SLC44A1: variants seen among roughly 807,000 people sequenced by gnomAD.
SLC44A1 encodes solute carrier family 44 member 1, also known as choline transporter-like protein 1.
SLC44A1 carries 26 observed loss-of-function variants against 79.3 expected under a neutral mutation model. The ratio of observed to expected loss-of-function variants is 0.33; its 90% confidence interval spans 0.24 to 0.46. SLC44A1 has a LOEUF of 0.46. Among genes scored for constraint, SLC44A1 ranks in the 20% least tolerant of loss-of-function variants. The probability of loss-of-function intolerance (pLI) is 1.00; values close to 1 mark genes in which losing one functional copy is unlikely to be tolerated. For synonymous variants in SLC44A1, 263 were observed against 286.2 expected (o/e 0.92, Z 0.82); for missense variants, 688 against 798.1 (o/e 0.86, Z 1.66).
rs1004217903 is a variant in SLC44A1, at chr9:105,390,458, G to A, written c.*1402G>A. On this transcript the variant is annotated 3_prime_UTR_variant, in exon 16 of 16. Transcript: ENST00000374720. ...AAAAAAAAAAAAAAAAAAAGCCTCA[G>A]CATTTTATCATTCCATGGAAGGAGA... The A allele has an allele frequency of 2.1e-5, 17 of 810,268 alleles. No individual in the cohort carries two copies. In the African/African-American group the frequency reaches 2.5e-4, roughly 12 times the overall value. 50.2% of individuals were successfully genotyped at this position (810,268 alleles called of 1,614,324 possible). A position where few individuals can be genotyped will look rare whatever the true frequency, so the allele number is the denominator to read the frequency against.
chr9:105,419,083 GT>G (rs1346281926), intron 15 of SLC44A1, among the ~76,000 whole-genome samples: 1 of 152,108 alleles, frequency 6.6e-6, no homozygotes, highest in African/African-American at 2.4e-5. Flanking sequence ...AGTGACAAAA[GT>G]TTGAAAAGAC....
intron 3 of SLC44A1, among the ~76,000 whole-genome samples, chr9:105,327,630 T>A (rs1183019759): frequency 6.6e-6 from 1 of 152,206 alleles, no homozygotes; most frequent in Non-Finnish European, 1.5e-5. Flanking sequence ...TGAACCATCC[T>A]GACCATTTTC....
intron 1 of SLC44A1, among the ~76,000 whole-genome samples, chr9:105,259,177 C>A (rs1829784603): frequency 6.6e-6 from 1 of 152,166 alleles, no homozygotes; most frequent in Non-Finnish European, 1.5e-5. Flanking sequence ...TCCATATTTT[C>A]TTCTAAGAAC....
chr9:105,349,685 A>G (rs1345302042), intron 5 of SLC44A1, among the ~76,000 whole-genome samples: 3 of 152,346 alleles, frequency 2.0e-5, no homozygotes, highest in East Asian at 3.9e-4. Flanking sequence ...AAATTTATCC[A>G]TATAAAAATT....
At chr9:105,331,447 C>T (rs533684716) in intron 3 of SLC44A1, among the ~76,000 whole-genome samples, 83 of 152,120 alleles carry the variant, frequency 5.5e-4, no homozygotes, top group Admixed American at 7.9e-4. Flanking sequence ...ATGCTTATTA[C>T]GATTATTTGT....
chr9:105,324,622 G>A (rs1322145857), intron 3 of SLC44A1, among the ~76,000 whole-genome samples: 2 of 152,080 alleles, frequency 1.3e-5, no homozygotes, highest in Non-Finnish European at 2.9e-5. Context: ...ATAATGTTGT[G>A]ACAATATCTA....
At chr9:105,365,449 G>C (rs758835761) in intron 10 of SLC44A1, 34 bp from the exon 11 acceptor site, 13 of 1,570,424 alleles carry the variant, frequency 8.3e-6, no homozygotes, top group Non-Finnish European at 1.1e-5. Flanking sequence ...TCTAGGCTTT[G>C]TTTTAATTGT....
intron 5 of SLC44A1, among the ~76,000 whole-genome samples, chr9:105,352,811 T>C (rs926130282): frequency 1.3e-5 from 2 of 152,192 alleles, no homozygotes; most frequent in Admixed American, 6.5e-5. Flanking sequence ...CGCTAAAATA[T>C]AAAACAAACC....
chr9:105,344,049 T>G (rs1269912366), intron 4 of SLC44A1, among the ~76,000 whole-genome samples: 1 of 152,180 alleles, frequency 6.6e-6, no homozygotes, highest in African/African-American at 2.4e-5. Context: ...GCATGTAGTG[T>G]TTCTTAATTA....
chr9:105,434,902 T>C (rs1267995946), intron 15 of SLC44A1, among the ~76,000 whole-genome samples: 3 of 152,220 alleles, frequency 2.0e-5, no homozygotes, highest in Admixed American at 6.5e-5. Context: ...CCCAGCATTT[T>C]GGGATGCCAA....
At chr9:105,367,412 A>T (rs907286256) in intron 12 of SLC44A1, among the ~76,000 whole-genome samples, 2 of 152,210 alleles carry the variant, frequency 1.3e-5, no homozygotes, top group Non-Finnish European at 2.9e-5. Context: ...CTTATAGGTC[A>T]TAATATTCCC....
chr9:105,245,436 C>G (rs546741675), intron 1 of SLC44A1, among the ~76,000 whole-genome samples: 1 of 152,248 alleles, frequency 6.6e-6, no homozygotes, highest in East Asian at 1.9e-4. Context: ...CCCGCTGCCC[C>G]CTGGCTGGGT....
chr9:105,396,212 A>G lies in SLC44A1; in HGVS notation c.*7156A>G. On this transcript the variant is annotated 3_prime_UTR_variant, in exon 16 of 16. Transcript: ENST00000374720. Reference sequence around the variant, plus strand: ...AAAGATACTGAGAGCTCCATAATGAAAGAAGTTGTTATACTTTCTCAGAAT... The same window carrying G: ...AAAGATACTGAGAGCTCCATAATGAGAGAAGTTGTTATACTTTCTCAGAAT... 1.0e-6 allele frequency: 1 copy of G among 985,230 alleles called. No homozygotes were observed. The highest frequency in any genetic ancestry group is 1.2e-6 in the Non-Finnish European group (1 of 829,766). 61.0% of individuals were successfully genotyped at this position (985,230 alleles called of 1,614,324 possible).
chr9:105,275,843 C>T (rs1487883414), intron 1 of SLC44A1, among the ~76,000 whole-genome samples: 4 of 148,960 alleles, frequency 2.7e-5, no homozygotes, highest in South Asian at 2.1e-4. Context: ...GCCGCTCTGT[C>T]GCTCAGGCTG....
chr9:105,385,889 G>A, intron 15 of SLC44A1: 1 of 985,290 alleles, frequency 1.0e-6, no homozygotes, highest in Non-Finnish European at 1.2e-6. Flanking sequence ...CATTTTGGAA[G>A]GTGATCATAG....
At chr9:105,326,568 A>G (rs1246331278) in intron 3 of SLC44A1, among the ~76,000 whole-genome samples, 1 of 152,134 alleles carries the variant, frequency 6.6e-6, no homozygotes, top group Non-Finnish European at 1.5e-5. Context: ...CAATGTTAGT[A>G]TCTTCTTTGG....
chr9:105,266,822 G>A (rs1829973719), intron 1 of SLC44A1, among the ~76,000 whole-genome samples: 1 of 152,114 alleles, frequency 6.6e-6, no homozygotes, highest in African/African-American at 2.4e-5. Flanking sequence ...TTTAGAATCA[G>A]CTTGTTAATA....
intron 15 of SLC44A1, among the ~76,000 whole-genome samples, chr9:105,431,209 TTG>T (rs1257614178): frequency 3.9e-5 from 6 of 152,212 alleles, no homozygotes; most frequent in African/African-American, 1.4e-4. Flanking sequence ...TTGATCTATT[TTG>T]AATTAATTTT....
chr9:105,310,668 G>A (rs986843386), intron 3 of SLC44A1, among the ~76,000 whole-genome samples: 5 of 152,170 alleles, frequency 3.3e-5, no homozygotes, highest in African/African-American at 1.2e-4. Flanking sequence ...AAGGTTATAG[G>A]TCTATTATAA....
Sources: allele counts gnomAD v4.1 joint callset (sites outside exome capture counted in the v4.1 genomes callset), GRCh38; gene constraint gnomAD v4.1.1; transcripts MANE v1.5; gene names NCBI Gene and HGNC (gene_info 2026-07-23, HGNC 2026-07-21).